The following TMEM178B variants were observed in gnomAD, a reference collection of about 807,000 sequenced individuals.
TMEM178B encodes the protein transmembrane protein 178B.
TMEM178B carries 5 observed loss-of-function variants against 31.0 expected under a neutral mutation model. The ratio of observed to expected loss-of-function variants is 0.16; its 90% CI spans 0.08 to 0.34. The LOEUF is 0.34. Ranked by LOEUF, TMEM178B falls within the 10% of genes least tolerant of loss-of-function variation. TMEM178B has a pLI of 1.00. For synonymous variants in TMEM178B, 164 were observed against 164.0 expected, an observed-to-expected ratio of 1.00 and a Z score of 0.00; for missense variants, 275 against 400.3, an observed-to-expected ratio of 0.69 and a Z score of 2.67.
At chr7:141,463,557 C>A (rs1470684294) in intron 3 of TMEM178B, among the ~76,000 whole-genome samples, 5 of 152,232 alleles carry the variant, frequency 3.3e-5, no homozygotes, top group Non-Finnish European at 5.9e-5. Context: ...TCCTGCCCTC[C>A]TTCCCAGTGG....
chr7:141,185,061 C>A (rs1185234970), intron 1 of TMEM178B, among the ~76,000 whole-genome samples: 1 of 152,194 alleles, frequency 6.6e-6, no homozygotes, highest in African/African-American at 2.4e-5. Context: ...GTGTGGCTCA[C>A]TTCTTCAGTG....
the TMEM178B span, among the ~76,000 whole-genome samples, chr7:141,507,391 A>G: frequency 6.6e-6 from 1 of 151,126 alleles, no homozygotes; most frequent in Middle Eastern, 3.4e-3. Context: ...TTTTTTTTTT[A>G]GATGGAGTTT....
intron 1 of TMEM178B, among the ~76,000 whole-genome samples, chr7:141,192,531 C>A (rs920373850): frequency 4.6e-5 from 7 of 151,674 alleles, no homozygotes; most frequent in African/African-American, 1.7e-4. Context: ...CTCTGTCGCC[C>A]AGGCTGGAGT....
chr7:141,382,647 G>A (rs1800339242), intron 2 of TMEM178B, among the ~76,000 whole-genome samples: 1 of 152,060 alleles, frequency 6.6e-6, no homozygotes, highest in Non-Finnish European at 1.5e-5. Context: ...CATTAACACT[G>A]CCTTTCTTTA....
intron 2 of TMEM178B, among the ~76,000 whole-genome samples, chr7:141,280,305 G>A (rs987070857): frequency 6.6e-6 from 1 of 152,068 alleles, no homozygotes; most frequent in Non-Finnish European, 1.5e-5. Context: ...ATATAGTTTG[G>A]CTGTGTCCCC....
At chr7:141,295,016 G>A (rs1249682545) in intron 2 of TMEM178B, among the ~76,000 whole-genome samples, 3 of 152,192 alleles carry the variant, frequency 2.0e-5, no homozygotes, top group Non-Finnish European at 4.4e-5. Flanking sequence ...AGATAGAGAA[G>A]CTGCTTGGGG....
chr7:141,207,175 A>G (rs997935440), intron 1 of TMEM178B, among the ~76,000 whole-genome samples: 3 of 152,246 alleles, frequency 2.0e-5, no homozygotes, highest in Non-Finnish European at 4.4e-5. Context: ...TCGCATGGAT[A>G]CAGCTTTCCC....
intron 2 of TMEM178B, among the ~76,000 whole-genome samples, chr7:141,326,247 T>A (rs1799187989): frequency 6.6e-6 from 1 of 152,224 alleles, no homozygotes; most frequent in African/African-American, 2.4e-5. Flanking sequence ...CTTTTTTATC[T>A]TGCTTTCTCA....
At chr7:141,307,545 A>G (rs73737746) in intron 2 of TMEM178B, among the ~76,000 whole-genome samples, 2,722 of 152,302 alleles carry the variant, frequency 0.018, 78 homozygotes, top group African/African-American at 0.062. Context: ...GCCGGAGCAC[A>G]TATATACCAG....
intron 2 of TMEM178B, among the ~76,000 whole-genome samples, chr7:141,245,705 C>A (rs1797719984): frequency 6.6e-6 from 1 of 152,182 alleles, no homozygotes; most frequent in Non-Finnish European, 1.5e-5. Flanking sequence ...GATGGAACTC[C>A]ACAGGAATTG....
chr7:141,453,387 A>G (rs1019279299), intron 3 of TMEM178B, among the ~76,000 whole-genome samples: 3 of 152,228 alleles, frequency 2.0e-5, no homozygotes, highest in African/African-American at 7.2e-5. Context: ...AAGTCTTTCA[A>G]ATATTTGGAA....
chr7:141,286,500 C>A (rs1042285196), intron 2 of TMEM178B, among the ~76,000 whole-genome samples: 4 of 152,212 alleles, frequency 2.6e-5, no homozygotes, highest in African/African-American at 9.6e-5. Flanking sequence ...TGAAGATAAT[C>A]ATTCACGTGG....
In TMEM178B at chr7:141,475,624, G is replaced by A. The variant is rs969628749; in HGVS notation, c.*4838G>A. 2 of 152,168 alleles carry A rather than the reference G, an allele frequency of 1.3e-5. No homozygotes were observed. Among genetic ancestry groups the A allele is most frequent in the Non-Finnish European group, 2.9e-5 (2 of 68,090 alleles). The allele number at this position is 152,168 out of a possible 1,614,324, so 9.4% of individuals were successfully genotyped here. ...CCACAGAACCGCACTGGTCTGCGTT[G>A]AGTTGACCCTGTGTTCCTGGCAGCA... On this transcript the variant is annotated 3_prime_UTR_variant, in exon 4 of 4. Transcript: ENST00000565468.
At chr7:141,418,126 C>T (rs771838028) in intron 2 of TMEM178B, among the ~76,000 whole-genome samples, 1 of 152,182 alleles carries the variant, frequency 6.6e-6, no homozygotes, top group Non-Finnish European at 1.5e-5. Context: ...CTAAGTCTTT[C>T]TCCTCTTCAT....
At chr7:141,156,013 C>T (rs6967878) in intron 1 of TMEM178B, among the ~76,000 whole-genome samples, 100,580 of 151,994 alleles carry the variant, frequency 0.66, 33,619 homozygotes, top group Middle Eastern at 0.72. Context: ...TGCAGTGAGC[C>T]GAGATCGTAC....
chr7:141,329,433 G>A (rs892578639), intron 2 of TMEM178B, among the ~76,000 whole-genome samples: 23 of 152,276 alleles, frequency 1.5e-4, no homozygotes, highest in Admixed American at 7.2e-4. Context: ...GCAAGGCAGC[G>A]TACAGCCTCT....
intron 2 of TMEM178B, among the ~76,000 whole-genome samples, chr7:141,259,307 A>G (rs1342415241): frequency 2.0e-5 from 3 of 152,182 alleles, no homozygotes; most frequent in Non-Finnish European, 2.9e-5. Flanking sequence ...AAATATTTTT[A>G]TTGATACTAC....
At chr7:141,120,683 A>G (rs1417912342) in intron 1 of TMEM178B, among the ~76,000 whole-genome samples, 1 of 152,086 alleles carries the variant, frequency 6.6e-6, no homozygotes, top group Non-Finnish European at 1.5e-5. Context: ...TTGCTGGATG[A>G]AGTGTCTCAC....
chr7:141,081,307 A>T (rs917807942), intron 1 of TMEM178B, among the ~76,000 whole-genome samples: 1 of 152,136 alleles, frequency 6.6e-6, no homozygotes, highest in African/African-American at 2.4e-5. Flanking sequence ...AAAATAAAAA[A>T]TTTTATAAAC....
Sources: allele counts gnomAD v4.1 joint callset (sites outside exome capture counted in the v4.1 genomes callset), GRCh38; gene constraint gnomAD v4.1.1; transcripts MANE v1.5; gene names NCBI Gene and HGNC (gene_info 2026-07-23, HGNC 2026-07-21).